The following TRPC6 variants were observed in gnomAD, a reference collection of about 807,000 sequenced individuals.
The protein encoded by TRPC6 is short transient receptor potential channel 6.
A neutral mutation model predicts 90.7 loss-of-function variants in TRPC6; 55 were observed. The observed-to-expected ratio is 0.61, with a 90% CI of 0.49 to 0.76. The LOEUF is 0.76. Ranked by LOEUF, TRPC6 falls within the 30% of genes least tolerant of loss-of-function variation. The pLI, the probability that TRPC6 is intolerant of heterozygous loss-of-function variation, is 0.00. For missense variants in TRPC6, 989 were observed against 1,122.7 expected (o/e 0.88, Z 1.70); for synonymous variants, 393 against 393.0 (o/e 1.00, Z 0.00).
At chr11:101,459,288 T>G (rs1013120054) in intron 10 of TRPC6, among the ~76,000 whole-genome samples, 2 of 152,170 alleles carry the variant, frequency 1.3e-5, no homozygotes, top group African/African-American at 4.8e-5. Context: ...ACTGTGAGGC[T>G]CTGCTCACCT....
At chr11:101,457,534 C>A (rs558653086) in intron 10 of TRPC6, among the ~76,000 whole-genome samples, 1 of 152,234 alleles carries the variant, frequency 6.6e-6, no homozygotes, top group South Asian at 2.1e-4. Context: ...AAATGTCCTG[C>A]AGCTGGGAAC....
chr11:101,564,058 T>G (rs1029048459), intron 1 of TRPC6, among the ~76,000 whole-genome samples: 7 of 150,764 alleles, frequency 4.6e-5, no homozygotes, highest in African/African-American at 1.7e-4. Context: ...ATGTGAGACA[T>G]CAGTTCGTAA....
chr11:101,524,910 C>T (rs139861195), intron 1 of TRPC6, among the ~76,000 whole-genome samples: 1 of 152,302 alleles, frequency 6.6e-6, no homozygotes, highest in East Asian at 1.9e-4. Flanking sequence ...AAATGTAATG[C>T]TGCTTCAATT....
rs371189200 is a variant in TRPC6 at position 101,481,436 on chromosome 11, T to C, written c.1510+1513A>G. On this transcript the variant is annotated intron_variant, in intron 5 of 12. Coordinates refer to ENST00000344327, the MANE Select transcript of TRPC6 (RefSeq NM_004621.6). ...CCAAATACTCCCAGGGATCATACTT[T>C]CTATTACCGAATGGACATTTCCACC... 2.2e-4 allele frequency among the ~76,000 whole-genome samples: 33 copies of C among 152,270 alleles called. 1 individual carries two copies. The highest frequency in any genetic ancestry group is 1.4e-3 in the Admixed American group (22 of 15,294).
chr11:101,570,384 G>C (rs1023783509), intron 1 of TRPC6, among the ~76,000 whole-genome samples: 1 of 152,122 alleles, frequency 6.6e-6, no homozygotes, highest in African/African-American at 2.4e-5. Context: ...GCAATTATTA[G>C]CCTACCAACC....
chr11:101,564,574 A>T (rs1435266422), intron 1 of TRPC6, among the ~76,000 whole-genome samples: 1 of 152,132 alleles, frequency 6.6e-6, no homozygotes, highest in Non-Finnish European at 1.5e-5. Flanking sequence ...AAATTGAAGA[A>T]GGCACAAACA....
intron 4 of TRPC6, among the ~76,000 whole-genome samples, chr11:101,485,156 C>CACACACACAG (rs964282182): frequency 2.0e-5 from 3 of 151,592 alleles, no homozygotes; most frequent in African/African-American, 7.3e-5. Flanking sequence ...CACACACACA[C>CACACACACAG]AGAGTTTTAA....
At chr11:101,517,997 CAGA>C (rs1289792302) in intron 1 of TRPC6, among the ~76,000 whole-genome samples, 4 of 152,288 alleles carry the variant, frequency 2.6e-5, no homozygotes, top group South Asian at 2.1e-4. Context: ...CCAATGAAAG[CAGA>C]AGAATTGGCC....
Position 101,473,613 on chromosome 11 carries a change from G to C in TRPC6, c.1905C>G (p.Phe635Leu). The C allele has an allele frequency of 6.2e-7, 1 of 1,613,768 alleles. No homozygotes were observed. The highest frequency in any genetic ancestry group is 8.5e-7 in the Non-Finnish European group (1 of 1,179,800). ...ISLGRTVKDI[F>L]KFMVIFIMVF... is the part of the protein sequence containing the mutation. ...CCATAATGAATATGACCATGAACTT[G>C]AAGATGTCTTTGACTGTTCTTCCAA... The change falls in exon 7 of 13, where the codon TTC becomes TTG. Residue 635 changes from phenylalanine to leucine, a missense_variant. Coordinates refer to ENST00000344327, the MANE Select transcript of TRPC6 (RefSeq NM_004621.6).
Position 101,451,876 on chromosome 11 carries a change from GT to G in TRPC6, c.*1078del, listed in dbSNP as rs1290995045. On this transcript the variant is annotated 3_prime_UTR_variant, in exon 13 of 13. Transcript: ENST00000344327. ...ATATGAACCTTCATCGCTTTTAGTT[GT>G]TTAAGACACCACTTCACATGATCAG... The G allele has an allele frequency of 2.0e-5, 3 of 152,260 alleles. No homozygotes were observed. The East Asian group carries it at 5.8e-4, about 29-fold the overall frequency. The allele number at this position is 152,260 out of a possible 1,614,324, so 9.4% of individuals were successfully genotyped here.
chr11:101,540,549 G>A (rs1565235256), intron 1 of TRPC6, among the ~76,000 whole-genome samples: 1 of 152,148 alleles, frequency 6.6e-6, no homozygotes, highest in Non-Finnish European at 1.5e-5. Context: ...GCTGTTATAT[G>A]TAATGTAAAG....
chr11:101,548,275 TTTATATATATAA>T (rs1367216597), intron 1 of TRPC6, among the ~76,000 whole-genome samples: 19 of 125,614 alleles, frequency 1.5e-4, no homozygotes, highest in Non-Finnish European at 5.3e-5. Flanking sequence ...ATATATATAA[TTTATATATATAA>T]TTATATATAA....
intron 1 of TRPC6, among the ~76,000 whole-genome samples, chr11:101,572,660 A>G (rs753386631): frequency 2.0e-5 from 3 of 152,226 alleles, no homozygotes; most frequent in Non-Finnish European, 4.4e-5. Flanking sequence ...CATATACACC[A>G]TGGAATACTA....
chr11:101,491,383 G>A (rs982470270), intron 3 of TRPC6, 173 bp downstream of exon 3: 75 of 715,752 alleles, frequency 1.0e-4, no homozygotes, highest in Non-Finnish European at 1.4e-4. Context: ...GCAGTGAGCC[G>A]AGATCGCACC....
rs1423547097 is a variant in TRPC6 at position 101,452,400 on chromosome 11, A to G, written c.*555T>C. The G allele has an allele frequency of 1.3e-5, 2 of 155,054 alleles. No individual in the cohort carries two copies. Among genetic ancestry groups the G allele is most frequent in the African/African-American group, 4.8e-5 (2 of 41,472 alleles). The allele number at this position is 155,054 out of a possible 1,614,324, so 9.6% of individuals were successfully genotyped here. On this transcript the variant is annotated 3_prime_UTR_variant, in exon 13 of 13. Transcript: ENST00000344327. ...AATCAGAAAATTTTACATAGATGTA[A>G]GACCATTTTGTATGAACGGTATCAA...
At chr11:101,512,071 A>C (rs888803002) in intron 1 of TRPC6, among the ~76,000 whole-genome samples, 1 of 152,086 alleles carries the variant, frequency 6.6e-6, no homozygotes, top group Admixed American at 6.5e-5. Flanking sequence ...TCTTGTTTAG[A>C]GGGTGAGAGA....
chr11:101,464,017 A>G (rs1019540612), intron 10 of TRPC6, among the ~76,000 whole-genome samples: 9 of 152,080 alleles, frequency 5.9e-5, no homozygotes, highest in Admixed American at 5.2e-4. Context: ...CTTTGTTCTC[A>G]TTGGTTTCAA....
At chr11:101,473,458 A>G in intron 7 of TRPC6, 51 bp downstream of exon 7, 1 of 1,596,236 alleles carries the variant, frequency 6.3e-7, no homozygotes, top group Non-Finnish European at 8.6e-7. Context: ...TGTTAAACTA[A>G]TATTTATTTA....
chr11:101,534,086 T>G (rs771993015), intron 1 of TRPC6, among the ~76,000 whole-genome samples: 3 of 152,178 alleles, frequency 2.0e-5, no homozygotes, highest in African/African-American at 7.2e-5. Flanking sequence ...TCCTCAATGA[T>G]GGATACTGAA....
Sources: gnomAD v4.1 joint callset for allele counts (sites outside exome capture counted in the v4.1 genomes callset) on GRCh38, gnomAD v4.1.1 for gene constraint, MANE v1.5 for transcripts, NCBI Gene and HGNC (gene_info 2026-07-23, HGNC 2026-07-21) for gene names.